ATRNL1: variants seen among roughly 807,000 people sequenced by gnomAD.
ATRNL1 encodes the protein attractin-like protein 1.
A neutral mutation model predicts 182.7 loss-of-function variants in ATRNL1; 95 were observed. The ratio of observed to expected loss-of-function variants is 0.52; its 90% CI spans 0.44 to 0.62. ATRNL1 has a LOEUF of 0.62. ATRNL1 is among the 20% of genes least tolerant of loss of function. The pLI, the probability that ATRNL1 is intolerant of heterozygous loss-of-function variation, is 0.00. For synonymous variants in ATRNL1, 576 were observed against 568.3 expected (o/e 1.01, Z -0.19); for missense variants, 1,471 against 1,679.5 (o/e 0.88, Z 2.17).
At chr10:115,200,676 C>T (rs1437860654) in intron 8 of ATRNL1, among the ~76,000 whole-genome samples, 4 of 140,734 alleles carry the variant, frequency 2.8e-5, no homozygotes, top group East Asian at 2.0e-4. Flanking sequence ...TGAATAGTGC[C>T]GCAGTAAACA....
chr10:115,653,541 T>C (rs1860143597), intron 26 of ATRNL1, among the ~76,000 whole-genome samples: 1 of 152,182 alleles, frequency 6.6e-6, no homozygotes, highest in African/African-American at 2.4e-5. Flanking sequence ...CTGGCCCCTA[T>C]TTTCAAACAA....
chr10:115,366,805 T>C (rs1554946104), intron 19 of ATRNL1, among the ~76,000 whole-genome samples: 2 of 149,540 alleles, frequency 1.3e-5, no homozygotes, highest in African/African-American at 5.0e-5. Flanking sequence ...TATGAAATTC[T>C]GGGTTGAAAA....
chr10:115,224,517 A>T (rs1461196169), intron 9 of ATRNL1, among the ~76,000 whole-genome samples: 3 of 151,598 alleles, frequency 2.0e-5, no homozygotes, highest in Non-Finnish European at 4.4e-5. Context: ...AATAGGAAAC[A>T]TGTGATAGAA....
At chr10:115,629,051 A>T (rs1295147868) in intron 26 of ATRNL1, among the ~76,000 whole-genome samples, 1 of 151,854 alleles carries the variant, frequency 6.6e-6, no homozygotes, top group African/African-American at 2.4e-5. Context: ...TATCATTTTC[A>T]TTCCATTACT....
At chr10:115,828,325 A>G (rs1365867321) in intron 27 of ATRNL1, among the ~76,000 whole-genome samples, 1 of 142,458 alleles carries the variant, frequency 7.0e-6, no homozygotes, top group Non-Finnish European at 1.5e-5. Flanking sequence ...CTCAAAAAAA[A>G]AGAAAAGAAA....
rs374715104 is a variant in ATRNL1 at position 115,315,513 on chromosome 10, C to T, written c.2819-5C>T. ...AACATATTTGTCAATGTTCCTGTCA[C>T]GCAGCTCAAAATTGTTCTGGATTGA... On this transcript the variant is annotated splice_region_variant and splice_polypyrimidine_tract_variant and intron_variant, in intron 17 of 28. Coordinates refer to ENST00000355044, the MANE Select transcript of ATRNL1 (RefSeq NM_207303.4). 81 of 1,597,410 alleles carry T rather than the reference C, an allele frequency of 5.1e-5. No homozygotes were observed. The highest frequency in any genetic ancestry group is 6.2e-5 in the Non-Finnish European group (72 of 1,167,704).
chr10:115,399,364 G>C (rs1047187752), intron 20 of ATRNL1, among the ~76,000 whole-genome samples: 20 of 151,992 alleles, frequency 1.3e-4, no homozygotes, highest in Non-Finnish European at 1.5e-4. Flanking sequence ...TTATTGGTCT[G>C]TTCAGGAATT....
In ATRNL1 at chr10:115,142,061, T is replaced by G. The variant is rs1449953812; in HGVS notation, c.829+12526T>G. 2.6e-5 allele frequency among the ~76,000 whole-genome samples: 4 copies of G among 152,178 alleles called. No homozygotes were observed. The East Asian group carries it at 7.7e-4, about 29-fold the overall frequency. On this transcript the variant is annotated intron_variant, in intron 5 of 28. Transcript: ENST00000355044. ...ATGGAACAAAGAAGACAAAGATCCTTGTGGAACTTACATTCAAGCTAGGAG... is the reference window on the plus strand; with the variant it reads ...ATGGAACAAAGAAGACAAAGATCCTGGTGGAACTTACATTCAAGCTAGGAG...
At chr10:115,398,214 G>A (rs911665461) in intron 20 of ATRNL1, among the ~76,000 whole-genome samples, 1 of 151,968 alleles carries the variant, frequency 6.6e-6, no homozygotes, top group Non-Finnish European at 1.5e-5. Flanking sequence ...GAAGGGATTG[G>A]CAGCCGCAGT....
chr10:115,928,400 A>G (rs782598448), intron 28 of ATRNL1, among the ~76,000 whole-genome samples: 2 of 152,088 alleles, frequency 1.3e-5, no homozygotes, highest in Non-Finnish European at 2.9e-5. Flanking sequence ...ACAGATTTTA[A>G]TAACTTGGGT....
chr10:115,313,419 G>A (rs1592429526), intron 17 of ATRNL1, among the ~76,000 whole-genome samples: 3 of 152,206 alleles, frequency 2.0e-5, no homozygotes, highest in Admixed American at 2.0e-4. Context: ...TGGTCATAGA[G>A]AGCCTTTTCA....
intron 5 of ATRNL1, among the ~76,000 whole-genome samples, chr10:115,135,840 G>C (rs1366480613): frequency 1.3e-5 from 2 of 151,708 alleles, no homozygotes; most frequent in African/African-American, 2.4e-5. Context: ...ACCTGGTCTT[G>C]TGTGTCATTT....
At chr10:115,405,242 A>C (rs1844761052) in intron 20 of ATRNL1, among the ~76,000 whole-genome samples, 1 of 152,194 alleles carries the variant, frequency 6.6e-6, no homozygotes, top group Non-Finnish European at 1.5e-5. Context: ...GAAGAAATAA[A>C]GTTTTAACAT....
At chr10:115,587,356 G>C (rs1338265284) in intron 26 of ATRNL1, among the ~76,000 whole-genome samples, 1 of 151,894 alleles carries the variant, frequency 6.6e-6, no homozygotes, top group Non-Finnish European at 1.5e-5. Flanking sequence ...CCCTCCCCCA[G>C]CCTCGCTGCC....
chr10:115,352,723 C>A (rs1254317715), intron 19 of ATRNL1, among the ~76,000 whole-genome samples: 4 of 152,024 alleles, frequency 2.6e-5, no homozygotes, highest in Non-Finnish European at 5.9e-5. Context: ...AATGGAGAAA[C>A]CCTGTCTGTA....
intron 26 of ATRNL1, among the ~76,000 whole-genome samples, chr10:115,652,843 T>G (rs1220689734): frequency 6.6e-6 from 1 of 152,140 alleles, no homozygotes. Context: ...AACTAAATAT[T>G]TGTCATTTAT....
At chr10:115,163,860 A>T (rs537743883) in intron 6 of ATRNL1, among the ~76,000 whole-genome samples, 10 of 152,264 alleles carry the variant, frequency 6.6e-5, no homozygotes, top group African/African-American at 2.4e-4. Flanking sequence ...GAATCTGTGG[A>T]AGTTATGTTC....
chr10:115,320,004 T>G (rs1187853776), intron 18 of ATRNL1, among the ~76,000 whole-genome samples: 2 of 152,178 alleles, frequency 1.3e-5, no homozygotes, highest in African/African-American at 2.4e-5. Context: ...TCTTTATATC[T>G]CGGTGTGTTT....
chr10:115,485,329 T>G (rs1207522409), intron 24 of ATRNL1, among the ~76,000 whole-genome samples: 1 of 152,028 alleles, frequency 6.6e-6, no homozygotes, highest in Non-Finnish European at 1.5e-5. Context: ...CTTTTCCATT[T>G]AAGCTACTTT....
Sources: gnomAD v4.1 joint callset for allele counts (sites outside exome capture counted in the v4.1 genomes callset) on GRCh38, gnomAD v4.1.1 for gene constraint, MANE v1.5 for transcripts, NCBI Gene and HGNC (gene_info 2026-07-23, HGNC 2026-07-21) for gene names.